The following PIP4K2A variants were observed in gnomAD, a reference collection of about 807,000 sequenced individuals.
The protein encoded by PIP4K2A is phosphatidylinositol 5-phosphate 4-kinase type-2 alpha.
Under a neutral mutation model 42.9 loss-of-function variants are expected in PIP4K2A, and 14 were observed. The observed-to-expected ratio is 0.33, with a 90% CI of 0.22 to 0.51. The LOEUF is 0.51. Ranked by LOEUF, PIP4K2A falls within the 20% of genes least tolerant of loss-of-function variation. The pLI, the probability that PIP4K2A is intolerant of heterozygous loss-of-function variation, is 0.97. For synonymous variants in PIP4K2A, 192 were observed against 192.2 expected, an observed-to-expected ratio of 1.00 and a Z score of 0.01; for missense variants, 434 against 519.8, an observed-to-expected ratio of 0.83 and a Z score of 1.61.
chr10:22,619,374 G>T (rs1838259133), intron 1 of PIP4K2A, among the ~76,000 whole-genome samples: 1 of 150,818 alleles, frequency 6.6e-6, no homozygotes. Context: ...ACTTTTATTT[G>T]TCTTGAGGCA....
chr10:22,702,475 TGGC>T (rs778060982), intron 1 of PIP4K2A, among the ~76,000 whole-genome samples: 1 of 152,238 alleles, frequency 6.6e-6, no homozygotes, highest in Non-Finnish European at 1.5e-5. Flanking sequence ...GCAGTTCACT[TGGC>T]GGCCCTTCAA....
chr10:22,544,950 C>G (rs1836225943), intron 7 of PIP4K2A, among the ~76,000 whole-genome samples: 1 of 152,236 alleles, frequency 6.6e-6, no homozygotes, highest in African/African-American at 2.4e-5. Context: ...CACTCCTCCC[C>G]AGTGACACGG....
At chr10:22,569,644 GGT>G (rs1357226121) in intron 5 of PIP4K2A, among the ~76,000 whole-genome samples, 1 of 151,888 alleles carries the variant, frequency 6.6e-6, no homozygotes, top group Non-Finnish European at 1.5e-5. Context: ...AAGTTCTTGG[GGT>G]GTGTGTGTCT....
intron 1 of PIP4K2A, among the ~76,000 whole-genome samples, chr10:22,666,140 G>C (rs775592869): frequency 3.9e-5 from 6 of 152,076 alleles, no homozygotes; most frequent in Admixed American, 6.6e-5. Context: ...AATAAGTTTT[G>C]ATGCTACTTT....
intron 6 of PIP4K2A, among the ~76,000 whole-genome samples, chr10:22,564,158 G>T (rs553079510): frequency 1.3e-5 from 2 of 152,286 alleles, no homozygotes; most frequent in African/African-American, 4.8e-5. Flanking sequence ...GTGCAACAGC[G>T]GAACGGAAGA....
At chr10:22,651,272 T>G (rs1838990417) in intron 1 of PIP4K2A, among the ~76,000 whole-genome samples, 1 of 152,140 alleles carries the variant, frequency 6.6e-6, no homozygotes, top group Non-Finnish European at 1.5e-5. Flanking sequence ...TTTCTCCCAA[T>G]TGAGGCGGCT....
intron 1 of PIP4K2A, chr10:22,694,260 A>C (rs987106658): frequency 2.0e-5 from 3 of 152,200 alleles, no homozygotes; most frequent in Non-Finnish European, 2.9e-5. Context: ...TTACCTTAAA[A>C]GCTAAGAAAT....
chr10:22,593,369 C>T (rs1195214714), intron 3 of PIP4K2A, among the ~76,000 whole-genome samples: 4 of 152,180 alleles, frequency 2.6e-5, no homozygotes, highest in Non-Finnish European at 5.9e-5. Context: ...TCTACATAAT[C>T]CCCAATGACT....
At position 22,539,920 on chromosome 10, in the gene PIP4K2A, A is replaced by G. The variant is rs371038256; in HGVS notation, c.1140+51T>C. On this transcript the variant is annotated intron_variant, in intron 9 of 9. Transcript: ENST00000376573. ...GAGAGAGAGAGAGAGAGGGAGAGAG[A>G]GAGAGAGAGAGGGAGAGAAAGAGAG... 86 of 970,392 alleles carry G rather than the reference A, an allele frequency of 8.9e-5. 1 individual carries two copies. In the African/African-American group the frequency reaches 1.2e-3, roughly 13 times the overall value. 60.1% of individuals were successfully genotyped at this position (970,392 alleles called of 1,614,324 possible).
chr10:22,694,367 T>C (rs1839929201), intron 1 of PIP4K2A: 1 of 152,162 alleles, frequency 6.6e-6, no homozygotes, highest in South Asian at 2.1e-4. Flanking sequence ...GGTCCCTCTG[T>C]CATCTGTTCA....
At chr10:22,560,197 T>C (rs61088979) in intron 6 of PIP4K2A, among the ~76,000 whole-genome samples, 6 of 152,266 alleles carry the variant, frequency 3.9e-5, no homozygotes, top group African/African-American at 1.4e-4. Context: ...ATTAGCTGAA[T>C]TGAGGGCCTA....
chr10:22,698,736 CAAT>C (rs1310616818), intron 1 of PIP4K2A, among the ~76,000 whole-genome samples: 1 of 152,080 alleles, frequency 6.6e-6, no homozygotes, highest in Non-Finnish European at 1.5e-5. Flanking sequence ...AGAATAGTCT[CAAT>C]GAGATTTTTT....
At chr10:22,622,781 T>C (rs775280136) in intron 1 of PIP4K2A, among the ~76,000 whole-genome samples, 36 of 152,190 alleles carry the variant, frequency 2.4e-4, no homozygotes, top group Non-Finnish European at 4.6e-4. Context: ...ATAACAAATC[T>C]ATAATTTTTT....
At chr10:22,642,570 G>A (rs1256171535) in intron 1 of PIP4K2A, among the ~76,000 whole-genome samples, 1 of 122,044 alleles carries the variant, frequency 8.2e-6, no homozygotes, top group African/African-American at 3.1e-5. Context: ...GTGTCTGTAT[G>A]TATATTTATA....
At chr10:22,660,817 C>CA (rs1276360391) in intron 1 of PIP4K2A, among the ~76,000 whole-genome samples, 6,344 of 139,618 alleles carry the variant, frequency 0.045, 168 homozygotes, top group Middle Eastern at 0.11. Context: ...TACTTTAAAG[C>CA]AAAAAAAAAA....
intron 1 of PIP4K2A, among the ~76,000 whole-genome samples, chr10:22,626,588 A>G (rs1838443861): frequency 6.6e-6 from 1 of 152,232 alleles, no homozygotes; most frequent in African/African-American, 2.4e-5. Flanking sequence ...GTAAGTTGTT[A>G]CAAAGATTTT....
At chr10:22,656,799 A>C (rs1363711362) in intron 1 of PIP4K2A, among the ~76,000 whole-genome samples, 2 of 146,738 alleles carry the variant, frequency 1.4e-5, no homozygotes, top group Non-Finnish European at 3.0e-5. Flanking sequence ...CTCCATCTCA[A>C]AAAAAAAAAA....
At chr10:22,591,807 G>A (rs1298571970) in intron 3 of PIP4K2A, 26 bp from the exon 4 acceptor site, 5 of 1,575,902 alleles carry the variant, frequency 3.2e-6, no homozygotes, top group Non-Finnish European at 4.3e-6. Context: ...AAGAGGGGAA[G>A]GAAGGCGGGG....
chr10:22,537,090 G>A lies in PIP4K2A; in HGVS notation c.*111C>T, dbSNP rs113138010. On this transcript the variant is annotated 3_prime_UTR_variant, in exon 10 of 10. Coordinates refer to ENST00000376573, the MANE Select transcript of PIP4K2A (RefSeq NM_005028.5). ...CTTGGCCTGAAGATGTAAACAAGGA[G>A]GTTTGCTTCCTGCAAGATGAGTACT... 379 of 761,724 alleles carry A rather than the reference G, an allele frequency of 5.0e-4. 2 individuals carry two copies. In the African/African-American group the frequency reaches 6.0e-3, roughly 12 times the overall value. The allele number at this position is 761,724 out of a possible 1,614,324, so 47.2% of individuals were successfully genotyped here. A position where few individuals can be genotyped will look rare whatever the true frequency, so the allele number is the denominator to read the frequency against.
Sources: allele counts gnomAD v4.1 joint callset (sites outside exome capture counted in the v4.1 genomes callset), GRCh38; gene constraint gnomAD v4.1.1; transcripts MANE v1.5; gene names NCBI Gene and HGNC (gene_info 2026-07-23, HGNC 2026-07-21).